Variants in FRMD8 observed in about 807,000 individuals in gnomAD.
FRMD8 encodes FERM domain containing 8, also known as FERM domain-containing protein 8.
In FRMD8, 37 loss-of-function variants were observed where a neutral mutation model predicts 54.2. That is an observed-to-expected ratio of 0.68 (90% CI 0.53 to 0.90). FRMD8 has a LOEUF of 0.90. FRMD8 is among the 40% of genes least tolerant of loss of function. The probability of loss-of-function intolerance (pLI) is 0.00; values close to 1 mark genes in which losing one functional copy is unlikely to be tolerated. For synonymous variants in FRMD8, 246 were observed against 286.9 expected (o/e 0.86, Z 1.44); for missense variants, 585 against 653.7 (o/e 0.89, Z 1.15).
the FRMD8 span, chr11:65,376,865 G>T: frequency 6.2e-7 from 1 of 1,614,206 alleles, no homozygotes; most frequent in Non-Finnish European, 8.5e-7. Flanking sequence ...CCCTTCATAG[G>T]TGATGAAGTA....
At chr11:65,382,638 T>C (rs1855635272), upstream of FRMD8, 1 of 152,964 alleles carries the variant, frequency 6.5e-6, no homozygotes, top group African/African-American at 2.4e-5. The surrounding 1 kb of genome is among the most constrained non-coding windows in gnomAD (Gnocchi z 4.4). Flanking sequence ...GGCACCATTC[T>C]GCTCAGTCAA....
At chr11:65,406,059 A>G (rs191398169) in intron 10 of FRMD8, among the ~76,000 whole-genome samples, 1,938 of 151,490 alleles carry the variant, frequency 0.013, 21 homozygotes, top group Middle Eastern at 0.027. Context: ...ACGGAGTCTC[A>G]CTCTGTCGCC....
the FRMD8 span, chr11:65,376,433 C>T: frequency 1.9e-6 from 3 of 1,614,036 alleles, no homozygotes; most frequent in East Asian, 2.2e-5. Context: ...AGGAGATATT[C>T]GTAGCTGAGG....
At chr11:65,386,950 C>T (rs1439536630) in intron 1 of FRMD8, 87 bp from the exon 2 acceptor site, 1 of 1,182,824 alleles carries the variant, frequency 8.5e-7, no homozygotes, top group South Asian at 1.4e-5. Context: ...GCCTGGGATC[C>T]CTTACCGTAC....
chr11:65,372,624 T>C, the FRMD8 span, among the ~76,000 whole-genome samples: 1 of 152,184 alleles, frequency 6.6e-6, no homozygotes, highest in African/African-American at 2.4e-5. Context: ...GTTGTTGTTT[T>C]GAGTTTAGGA....
chr11:65,371,762 G>A, the FRMD8 span, among the ~76,000 whole-genome samples: 2 of 152,024 alleles, frequency 1.3e-5, no homozygotes, highest in African/African-American at 2.4e-5. Flanking sequence ...CTACAGGTGC[G>A]TGCCACCATG....
At position 65,405,020 on chromosome 11, in the gene FRMD8, G is replaced by A. The variant is rs1856164064; in HGVS notation, c.1228G>A (p.Val410Met). 2.5e-6 allele frequency: 4 copies of A among 1,613,288 alleles called. No individual in the cohort carries two copies. The Admixed American group carries it at 5.0e-5, about 20-fold the overall frequency. Residue 410 changes from valine (V) to methionine (M), a missense_variant, in exon 10 of 11, where the codon GTG (valine) becomes ATG (methionine). By Grantham distance (21) the Val-to-Met change is conservative. Coordinates refer to ENST00000317568, the MANE Select transcript of FRMD8 (RefSeq NM_031904.5). ...CAAGCTGCGGAGGCAGGGCAGTGTG[G>A]TGTCCAGCCGGATCCAGCATCTCTC... is the stretch of plus-strand genomic sequence containing the variant. ...RPKLRRQGSV[V>M]SSRIQHLSTI...
intron 9 of FRMD8, among the ~76,000 whole-genome samples, chr11:65,402,900 T>C (rs1306195634): frequency 6.6e-6 from 1 of 152,094 alleles, no homozygotes; most frequent in African/African-American, 2.4e-5. Flanking sequence ...TATAGAAATA[T>C]AATTGTTTTT....
chr11:65,376,208 A>G, the FRMD8 span: 1 of 638,950 alleles, frequency 1.6e-6, no homozygotes, highest in Non-Finnish European at 2.7e-6. Flanking sequence ...GGCCAGCTAC[A>G]CAGGGAGGCT....
the FRMD8 span, chr11:65,380,108 C>T: frequency 4.3e-6 from 7 of 1,609,692 alleles, no homozygotes; most frequent in Non-Finnish European, 6.0e-6. Flanking sequence ...TCTTTCATTC[C>T]TCTGGCAGCT....
chr11:65,380,703 C>A, the FRMD8 span: 1 of 882,642 alleles, frequency 1.1e-6, no homozygotes, highest in Non-Finnish European at 1.6e-6. Context: ...ACTGCCTAGC[C>A]CTGCCCTCCA....
the FRMD8 span, chr11:65,376,969 G>A: frequency 6.2e-7 from 1 of 1,613,326 alleles, no homozygotes; most frequent in Admixed American, 1.7e-5. Flanking sequence ...AGGCTGCACA[G>A]TGCACGGGCC....
chr11:65,395,901 C>T (rs1017549406), intron 6 of FRMD8, among the ~76,000 whole-genome samples: 1 of 152,140 alleles, frequency 6.6e-6, no homozygotes, highest in Non-Finnish European at 1.5e-5. Flanking sequence ...GCTCTTTGTT[C>T]GGCCTCCAGA....
rs529804024 is a variant in FRMD8, at chr11:65,389,142, C to T, written c.86-219C>T. Reference sequence around the variant, plus strand: ...GGGTTTCTGGGTGGTTTAAGGGTGTCAAGGAAGCACTAATAGATAGCATTC... The same window carrying T: ...GGGTTTCTGGGTGGTTTAAGGGTGTTAAGGAAGCACTAATAGATAGCATTC... On this transcript the variant is annotated intron_variant, in intron 2 of 10. Transcript: ENST00000317568. Among the ~76,000 whole-genome samples the T allele has an allele frequency of 5.3e-5, 8 of 152,230 alleles. No homozygotes were observed. The East Asian group carries it at 1.5e-3, about 29-fold the overall frequency.
chr11:65,387,056 G>T lies in FRMD8; in HGVS notation c.20G>T (p.Ser7Ile), dbSNP rs759320847. 2 of 1,609,340 alleles carry T rather than the reference G, an allele frequency of 1.2e-6. No homozygotes were observed. The highest frequency in any genetic ancestry group is 1.7e-6 in the Non-Finnish European group (2 of 1,179,972). ...TTGCAGATGGACGGGACAGAAGGCA[G>T]TGCCGGGCAGCCCGGCCCCGCTGAG... MDGTEGSAGQPGPAERS... is the reference protein window; with the variant it reads MDGTEGIAGQPGPAERS... Residue 7 changes from serine to isoleucine, a missense_variant, in exon 2 of 11, where the codon AGT becomes ATT. Physicochemically the swap from Ser to Ile is moderately radical, Grantham distance 142 (BLOSUM62 -2). Coordinates refer to ENST00000317568, the MANE Select transcript of FRMD8 (RefSeq NM_031904.5).
chr11:65,410,930 T>C (rs1201387853), intron 10 of FRMD8, among the ~76,000 whole-genome samples: 2 of 152,234 alleles, frequency 1.3e-5, no homozygotes, highest in Non-Finnish European at 2.9e-5. Context: ...CATAGTGTTT[T>C]CCAGACATCC....
the FRMD8 span, chr11:65,377,198 C>T: frequency 8.9e-3 from 12,920 of 1,450,826 alleles, 63 homozygotes; most frequent in Non-Finnish European, 0.011. Flanking sequence ...GGAACCCTGC[C>T]GGCACCCAGC....
intron 5 of FRMD8, 54 bp downstream of exon 5, chr11:65,394,153 C>T (rs565249098): frequency 1.2e-6 from 2 of 1,607,090 alleles, no homozygotes; most frequent in African/African-American, 2.7e-5. Flanking sequence ...TGCCCAGCCT[C>T]CCTGTCCCTA....
the FRMD8 span, chr11:65,380,187 A>T: frequency 6.2e-7 from 1 of 1,614,166 alleles, no homozygotes. Flanking sequence ...TGTGGTGACA[A>T]GAGGGTGCTA....
Sources: gnomAD v4.1 joint callset for allele counts (sites outside exome capture counted in the v4.1 genomes callset) on GRCh38, gnomAD v4.1.1 for gene constraint, Gnocchi (gnomAD v3.1) non-coding constraint, MANE v1.5 for transcripts, NCBI Gene and HGNC (gene_info 2026-07-23, HGNC 2026-07-21) for gene names.